Variants in SLC22A24 observed in about 807,000 individuals in gnomAD.
SLC22A24 encodes the protein solute carrier family 22 member 24.
Under a neutral mutation model 49.8 loss-of-function variants are expected in SLC22A24, and 53 were observed. That is an observed-to-expected ratio of 1.06 (90% confidence interval 0.85 to 1.34). The LOEUF is 1.34. Among genes scored for constraint, SLC22A24 ranks in the 40% most tolerant of loss-of-function variants. The pLI is 0.00. For synonymous variants in SLC22A24, 302 were observed against 256.4 expected (o/e 1.18, Z -1.70); for missense variants, 786 against 675.9 (o/e 1.16, Z -1.81).
chr11:63,111,655 C>A (rs1400996112), intron 4 of SLC22A24, among the ~76,000 whole-genome samples: 8 of 150,488 alleles, frequency 5.3e-5, no homozygotes, highest in African/African-American at 1.4e-4. Context: ...TTGTAGTATT[C>A]TCTGATGGTA....
intron 4 of SLC22A24, among the ~76,000 whole-genome samples, chr11:63,113,177 CAT>C (rs1175957263): frequency 0.01 from 48 of 4,772 alleles, 7 homozygotes; most frequent in African/African-American, 0.017. Flanking sequence ...CATATATATA[CAT>C]ATATATATAC....
chr11:63,093,629 G>A lies in SLC22A24; in HGVS notation c.1070+2362C>T, dbSNP rs142716660. 2.2e-3 allele frequency among the ~76,000 whole-genome samples: 339 copies of A among 152,180 alleles called. 1 individual carries two copies. The highest frequency in any genetic ancestry group is 7.4e-3 in the African/African-American group (306 of 41,532). On this transcript the variant is annotated intron_variant, in intron 6 of 9. Transcript: ENST00000612278. ...ATCCTGCATATTTTTATTTACAAGT[G>A]GGAGTTAAATGATGAGAACACATCA...
At chr11:63,136,103 T>C (rs2087372343) in intron 1 of SLC22A24, among the ~76,000 whole-genome samples, 1 of 152,220 alleles carries the variant, frequency 6.6e-6, no homozygotes. Flanking sequence ...AAGTGTCATC[T>C]TATTCTACAC....
chr11:63,125,310 C>T (rs1208272961), intron 2 of SLC22A24, among the ~76,000 whole-genome samples: 2 of 152,040 alleles, frequency 1.3e-5, no homozygotes, highest in Non-Finnish European at 2.9e-5. Flanking sequence ...CTCCCCTAGC[C>T]CTGCACTCCA....
At chr11:63,142,766 A>G (rs1210303410) in intron 1 of SLC22A24, among the ~76,000 whole-genome samples, 1 of 152,070 alleles carries the variant, frequency 6.6e-6, no homozygotes, top group African/African-American at 2.4e-5. Flanking sequence ...ACAAGAAGGC[A>G]GCTTTGACTC....
chr11:63,109,211 G>A (rs1200220947), intron 4 of SLC22A24, among the ~76,000 whole-genome samples: 2 of 145,844 alleles, frequency 1.4e-5, no homozygotes, highest in Non-Finnish European at 3.0e-5. Flanking sequence ...ATTCCATGGT[G>A]TATATGTGCC....
chr11:63,087,062 G>GA (rs2086991911), intron 6 of SLC22A24, among the ~76,000 whole-genome samples: 6 of 137,030 alleles, frequency 4.4e-5, no homozygotes, highest in African/African-American at 1.1e-4. Context: ...ACACACAGAG[G>GA]GAGAGAGAGA....
chr11:63,085,777 G>A (rs547283750), intron 6 of SLC22A24, among the ~76,000 whole-genome samples: 18 of 152,296 alleles, frequency 1.2e-4, no homozygotes, highest in African/African-American at 4.3e-4. Flanking sequence ...CAATGATGAC[G>A]ATGATGGTAA....
intron 6 of SLC22A24, among the ~76,000 whole-genome samples, chr11:63,086,405 G>C (rs2086987291): frequency 6.6e-6 from 1 of 152,110 alleles, no homozygotes; most frequent in Non-Finnish European, 1.5e-5. Context: ...TATAGCTAGA[G>C]GCCATTATCC....
At chr11:63,124,515 T>C (rs2087274549) in intron 2 of SLC22A24, among the ~76,000 whole-genome samples, 1 of 152,220 alleles carries the variant, frequency 6.6e-6, no homozygotes, top group African/African-American at 2.4e-5. Context: ...GATAGGAGGT[T>C]GAACTTGATA....
intron 7 of SLC22A24, among the ~76,000 whole-genome samples, chr11:63,082,023 C>T (rs1411673813): frequency 1.3e-5 from 2 of 152,082 alleles, no homozygotes; most frequent in East Asian, 1.9e-4. Flanking sequence ...TCTATTAGAA[C>T]AATATTCATT....
At position 63,119,240 on chromosome 11, in the gene SLC22A24, A is replaced by G; in HGVS notation, c.602T>C (p.Ile201Thr). The change falls in exon 3 of 10, where the codon ATA (isoleucine) becomes ACA (threonine). Residue 201 changes from isoleucine (I) to threonine (T), a missense_variant. By Grantham distance (89) the Ile-to-Thr change is moderately conservative. Transcript: ENST00000612278. The part of the protein sequence containing the change: ...AFAPTFLVYC[I>T]LRFLAGFSTM... ...GGAGAACCCTGCCAAGAAGCGCAGTATGCAGTAAACAAGGAAGGTGGGAGC... is the reference window on the plus strand; with the variant it reads ...GGAGAACCCTGCCAAGAAGCGCAGTGTGCAGTAAACAAGGAAGGTGGGAGC... The G allele has an allele frequency of 6.4e-7, 1 of 1,551,508 alleles. No homozygotes were observed. Among genetic ancestry groups the G allele is most frequent in the Non-Finnish European group, 8.7e-7 (1 of 1,146,886 alleles).
chr11:63,086,719 C>A (rs1461048799), intron 6 of SLC22A24, among the ~76,000 whole-genome samples: 1 of 152,030 alleles, frequency 6.6e-6, no homozygotes, highest in Non-Finnish European at 1.5e-5. Context: ...GGATCCAAAT[C>A]ATGAATTAGA....
At chr11:63,142,809 T>C (rs538421769) in intron 1 of SLC22A24, among the ~76,000 whole-genome samples, 2 of 152,194 alleles carry the variant, frequency 1.3e-5, no homozygotes, top group South Asian at 4.2e-4. Context: ...GTCAGCACTC[T>C]TGGCTCACTG....
chr11:63,097,093 C>T (rs1472495168), intron 5 of SLC22A24, among the ~76,000 whole-genome samples: 1 of 151,698 alleles, frequency 6.6e-6, no homozygotes, highest in Non-Finnish European at 1.5e-5. Flanking sequence ...ATATTTCAGG[C>T]TGTGCACAGC....
chr11:63,081,669 A>C lies in SLC22A24; in HGVS notation c.1286-3T>G. 1 of 1,540,856 alleles carries C rather than the reference A, an allele frequency of 6.5e-7. No individual in the cohort carries two copies. The highest frequency in any genetic ancestry group is 1.2e-5 in the South Asian group (1 of 83,836). On this transcript the variant is annotated splice_polypyrimidine_tract_variant and splice_region_variant and intron_variant, in intron 7 of 9. Coordinates refer to ENST00000612278, the MANE Select transcript of SLC22A24 (RefSeq NM_001136506.2). ...AACCACACGCAGGATCTGCATTTCT[A>C]GAGAGAACAGTGAGAATCAGGAAAT...
At chr11:63,137,697 G>A (rs867858147) in intron 1 of SLC22A24, among the ~76,000 whole-genome samples, 3 of 152,212 alleles carry the variant, frequency 2.0e-5, no homozygotes, top group African/African-American at 4.8e-5. Context: ...CCATTGGGCA[G>A]CATCTTGCAA....
intron 2 of SLC22A24, 34 bp from the exon 3 acceptor site, chr11:63,119,369 G>C: frequency 1.4e-6 from 2 of 1,480,106 alleles, no homozygotes; most frequent in Non-Finnish European, 9.0e-7. Flanking sequence ...CGTTACTTAG[G>C]AACAAAAATA....
At chr11:63,128,070 C>G (rs1196683627) in intron 2 of SLC22A24, among the ~76,000 whole-genome samples, 1 of 151,710 alleles carries the variant, frequency 6.6e-6, no homozygotes, top group Non-Finnish European at 1.5e-5. Context: ...AAGAGTTATA[C>G]TAGATATAGA....
Sources: allele counts gnomAD v4.1 joint callset (sites outside exome capture counted in the v4.1 genomes callset), GRCh38; gene constraint gnomAD v4.1.1; transcripts MANE v1.5; gene names NCBI Gene and HGNC (gene_info 2026-07-23, HGNC 2026-07-21).